TF: variants seen among roughly 807,000 people sequenced by gnomAD.
The protein encoded by TF is serotransferrin.
Under a neutral mutation model 82.4 loss-of-function variants are expected in TF, and 55 were observed. That is an observed-to-expected ratio of 0.67 (90% confidence interval 0.54 to 0.84). The LOEUF is 0.84. TF is among the 40% of genes least tolerant of loss of function. The pLI, the probability that TF is intolerant of heterozygous loss-of-function variation, is 0.00. For synonymous variants in TF, 332 were observed against 332.6 expected (o/e 1.00, Z 0.02); for missense variants, 737 against 868.4 (o/e 0.85, Z 1.90).
upstream of TF, among the ~76,000 whole-genome samples, chr3:133,742,466 AAGAG>A (rs567759993): frequency 2.5e-3 from 321 of 128,106 alleles, no homozygotes; most frequent in Admixed American, 6.8e-3. Context: ...GAGAGAGAGA[AAGAG>A]AGAGAGAGTG....
chr3:133,694,746 C>G, the TF span, among the ~76,000 whole-genome samples: 1 of 152,198 alleles, frequency 6.6e-6, no homozygotes, highest in Non-Finnish European at 1.5e-5. Context: ...CTCTCAGCCC[C>G]CTTGCAGGCA....
intron 4 of TF, among the ~76,000 whole-genome samples, chr3:133,754,912 G>C (rs1933782236): frequency 6.6e-6 from 1 of 152,232 alleles, no homozygotes; most frequent in Non-Finnish European, 1.5e-5. Context: ...AGTGAGGAAA[G>C]GGCGCAAGGC....
At chr3:133,769,192 A>G (rs1240102089) in intron 13 of TF, among the ~76,000 whole-genome samples, 1 of 152,126 alleles carries the variant, frequency 6.6e-6, no homozygotes, top group Admixed American at 6.5e-5. Context: ...ATTATAACTG[A>G]GCTTCCCCGT....
In TF at chr3:133,786,934, C is replaced by G. The variant is rs1934702264; in HGVS notation, c.*8314C>G. ...TTGTAAATATCTTTTTGCTAAAATT[C>G]TTGGGAAGTACTGTCTTTTGGAAGT... On this transcript the variant is annotated 3_prime_UTR_variant, in exon 17 of 17. Coordinates refer to ENST00000402696, the MANE Select transcript of TF (RefSeq NM_001063.4). 1 of 152,138 alleles carries G rather than the reference C, an allele frequency of 6.6e-6. No homozygotes were observed. Among genetic ancestry groups the G allele is most frequent in the African/African-American group, 2.4e-5 (1 of 41,408 alleles). 9.4% of individuals were successfully genotyped at this position (152,138 alleles called of 1,614,324 possible).
intron 16 of TF, 136 bp downstream of exon 16, chr3:133,777,374 A>G: frequency 1.2e-6 from 1 of 816,864 alleles, no homozygotes; most frequent in Non-Finnish European, 2.0e-6. Context: ...GTGAGTGAAC[A>G]ATCTAAGCCC....
the TF span, among the ~76,000 whole-genome samples, chr3:133,667,733 CACA>C: frequency 1.3e-5 from 2 of 152,208 alleles, no homozygotes; most frequent in Non-Finnish European, 2.9e-5. Flanking sequence ...TGAGCCCTGG[CACA>C]ACACCTTGTC....
chr3:133,774,922 C>A (rs1402575535), intron 14 of TF: 1 of 372,034 alleles, frequency 2.7e-6, no homozygotes, highest in Non-Finnish European at 5.2e-6. Context: ...AGATGGGATA[C>A]AGACCTGTAT....
chr3:133,703,809 G>C, the TF span, among the ~76,000 whole-genome samples: 1 of 152,194 alleles, frequency 6.6e-6, no homozygotes, highest in African/African-American at 2.4e-5. Context: ...GCCAGGCACT[G>C]AGTACAGTGC....
Position 133,791,637 on chromosome 3 carries a change from C to G in TF, c.*13017C>G, listed in dbSNP as rs1390940469. 1 of 152,116 alleles carries G rather than the reference C, an allele frequency of 6.6e-6. No homozygotes were observed. Among genetic ancestry groups the G allele is most frequent in the African/African-American group, 2.4e-5 (1 of 41,426 alleles). 9.4% of individuals were successfully genotyped at this position (152,116 alleles called of 1,614,324 possible). A position where few individuals can be genotyped will look rare whatever the true frequency, so the allele number is the denominator to read the frequency against. On this transcript the variant is annotated 3_prime_UTR_variant, in exon 17 of 17. Transcript: ENST00000402696. Reference sequence around the variant, plus strand: ...TATTGTTTTGTCATAAAGAGGGGTACCTTAGAATAAAATGTGTGCTTAGGA... The same window carrying G: ...TATTGTTTTGTCATAAAGAGGGGTAGCTTAGAATAAAATGTGTGCTTAGGA...
chr3:133,756,422 G>A, intron 6 of TF, 85 bp downstream of exon 6: 1 of 1,387,714 alleles, frequency 7.2e-7, no homozygotes. Context: ...CTCAGTAATT[G>A]GAAATGAGCA....
intron 12 of TF, among the ~76,000 whole-genome samples, chr3:133,766,935 G>T (rs1934143122): frequency 1.3e-5 from 2 of 152,146 alleles, no homozygotes; most frequent in Admixed American, 1.3e-4. Context: ...ACTTCTCATT[G>T]CCCAGAACTT....
chr3:133,676,339 G>A, the TF span, among the ~76,000 whole-genome samples: 2 of 152,176 alleles, frequency 1.3e-5, no homozygotes, highest in South Asian at 2.1e-4. Flanking sequence ...AGTTACACCG[G>A]TAAAAATCTG....
At chr3:133,755,630 C>A in intron 5 of TF, 135 bp downstream of exon 5, 1 of 1,257,066 alleles carries the variant, frequency 8.0e-7, no homozygotes, top group Non-Finnish European at 1.1e-6. Flanking sequence ...CCCAGTGAGT[C>A]AGAAGCACAA....
chr3:133,683,770 C>G, the TF span, among the ~76,000 whole-genome samples: 2 of 152,046 alleles, frequency 1.3e-5, no homozygotes, highest in Non-Finnish European at 1.5e-5. Context: ...TTAACACCCC[C>G]CTGTCAACAT....
At chr3:133,697,281 A>C in the TF span, among the ~76,000 whole-genome samples, 6 of 151,796 alleles carry the variant, frequency 4.0e-5, no homozygotes, top group African/African-American at 1.2e-4. Flanking sequence ...CACATTGACT[A>C]CAATTATTAC....
At chr3:133,705,844 C>A in the TF span, among the ~76,000 whole-genome samples, 1 of 152,084 alleles carries the variant, frequency 6.6e-6, no homozygotes, top group Non-Finnish European at 1.5e-5. Context: ...AGCTTAAAAA[C>A]AAATAAAAAT....
At chr3:133,734,215 G>A in the TF span, among the ~76,000 whole-genome samples, 1 of 152,178 alleles carries the variant, frequency 6.6e-6, no homozygotes, top group Non-Finnish European at 1.5e-5. Context: ...GGAGAGCCTA[G>A]TATCAATGAT....
At chr3:133,760,403 A>G (rs1933965352) in intron 9 of TF, 1 of 152,596 alleles carries the variant, frequency 6.6e-6, no homozygotes, top group African/African-American at 2.4e-5. Flanking sequence ...ACTTTATGCT[A>G]TTTTAACATA....
chr3:133,669,276 G>A, the TF span, among the ~76,000 whole-genome samples: 14 of 152,226 alleles, frequency 9.2e-5, no homozygotes, highest in Admixed American at 7.2e-4. Flanking sequence ...TGCTGGGATT[G>A]CAAGCATAAG....
Sources: allele counts gnomAD v4.1 joint callset (sites outside exome capture counted in the v4.1 genomes callset), GRCh38; gene constraint gnomAD v4.1.1; transcripts MANE v1.5; gene names NCBI Gene and HGNC (gene_info 2026-07-23, HGNC 2026-07-21).